Variants in DACH1 observed in about 807,000 individuals in gnomAD.
DACH1 encodes dachshund homolog 1.
A neutral mutation model predicts 54.2 loss-of-function variants in DACH1; 12 were observed. The observed-to-expected ratio is 0.22, with a 90% CI of 0.14 to 0.36. DACH1 has a LOEUF of 0.36. DACH1 is among the 10% of genes least tolerant of loss of function. The probability of loss-of-function intolerance (pLI) is 1.00; values close to 1 mark genes in which losing one functional copy is unlikely to be tolerated. For synonymous variants in DACH1, 386 were observed against 366.2 expected, an observed-to-expected ratio of 1.05 and a Z score of -0.62; for missense variants, 805 against 929.8, an observed-to-expected ratio of 0.87 and a Z score of 1.75.
intron 1 of DACH1, among the ~76,000 whole-genome samples, chr13:71,754,555 A>G (rs1180896364): frequency 3.3e-5 from 5 of 152,142 alleles, no homozygotes; most frequent in African/African-American, 9.7e-5. Context: ...TGGAGGTTAA[A>G]TGGCTTAGCC....
chr13:71,733,847 A>C (rs1236839274), intron 1 of DACH1, among the ~76,000 whole-genome samples: 1 of 152,058 alleles, frequency 6.6e-6, no homozygotes, highest in Non-Finnish European at 1.5e-5. Flanking sequence ...GCCAAACCAA[A>C]GCACAGTCAG....
Position 71,601,765 on chromosome 13 carries a change from C to A in DACH1, c.1127-28753G>T, listed in dbSNP as rs149616444. 1.2e-3 allele frequency among the ~76,000 whole-genome samples: 184 copies of A among 152,020 alleles called. 2 individuals carry two copies. In the East Asian group the frequency reaches 0.028, roughly 23 times the overall value. On this transcript the variant is annotated intron_variant, in intron 3 of 10. Transcript: ENST00000613252. ...GTAAAAGATGAGAATAATTACATTTCACATTTTTGAAACTAATGTAACCAC... is the reference window on the plus strand; with the variant it reads ...GTAAAAGATGAGAATAATTACATTTAACATTTTTGAAACTAATGTAACCAC...
At chr13:71,488,361 C>G (rs1424794212) in intron 7 of DACH1, among the ~76,000 whole-genome samples, 1 of 152,114 alleles carries the variant, frequency 6.6e-6, no homozygotes, top group African/African-American at 2.4e-5. Flanking sequence ...CTCTTATTAT[C>G]TTGGCTCCAC....
intron 6 of DACH1, among the ~76,000 whole-genome samples, chr13:71,508,601 G>T (rs1278041182): frequency 6.6e-6 from 1 of 151,854 alleles, no homozygotes; most frequent in African/African-American, 2.4e-5. Context: ...TAAGGAGCTG[G>T]GACTACAGGC....
intron 6 of DACH1, among the ~76,000 whole-genome samples, chr13:71,502,289 T>A (rs1879980788): frequency 6.6e-6 from 1 of 152,162 alleles, no homozygotes; most frequent in Non-Finnish European, 1.5e-5. Flanking sequence ...CTGTGATTAA[T>A]TGCTAAGATA....
At chr13:71,512,879 G>C (rs893363820) in intron 6 of DACH1, among the ~76,000 whole-genome samples, 1 of 151,588 alleles carries the variant, frequency 6.6e-6, no homozygotes, top group Non-Finnish European at 1.5e-5. Flanking sequence ...AAATCTAGAA[G>C]AATAATCTTT....
chr13:71,526,342 T>C (rs1881953560), intron 6 of DACH1, among the ~76,000 whole-genome samples: 2 of 152,104 alleles, frequency 1.3e-5, no homozygotes, highest in African/African-American at 4.8e-5. Flanking sequence ...ACATGTAAGG[T>C]CTTTTCTGTC....
intron 2 of DACH1, among the ~76,000 whole-genome samples, chr13:71,651,354 T>A: frequency 1.4e-5 from 2 of 139,512 alleles, no homozygotes; most frequent in South Asian, 2.2e-4. Context: ...GGCAACAGAG[T>A]GAGACCCTGT....
intron 1 of DACH1, among the ~76,000 whole-genome samples, chr13:71,765,503 G>A (rs1885582756): frequency 6.6e-6 from 1 of 152,098 alleles, no homozygotes; most frequent in African/African-American, 2.4e-5. Context: ...CTTATACTAT[G>A]CAAATTTTGT....
At chr13:71,790,361 A>C (rs1886783854) in intron 1 of DACH1, among the ~76,000 whole-genome samples, 2 of 152,322 alleles carry the variant, frequency 1.3e-5, no homozygotes, top group South Asian at 4.1e-4. Context: ...CCCAGGAACC[A>C]ATTCTAAAAT....
chr13:71,823,363 T>G (rs1298519750), intron 1 of DACH1, among the ~76,000 whole-genome samples: 1 of 152,040 alleles, frequency 6.6e-6, no homozygotes, highest in Non-Finnish European at 1.5e-5. Flanking sequence ...TCTAGATGCA[T>G]GCACATAATG....
chr13:71,849,646 C>G (rs9564852), intron 1 of DACH1, among the ~76,000 whole-genome samples: 14,334 of 152,144 alleles, frequency 0.094, 1,394 homozygotes, highest in East Asian at 0.56. Flanking sequence ...ATTTCCCCCC[C>G]ATCTATGGAT....
chr13:71,575,687 T>A (rs570587899), intron 3 of DACH1, among the ~76,000 whole-genome samples: 1 of 152,148 alleles, frequency 6.6e-6, no homozygotes, highest in Admixed American at 6.5e-5. Flanking sequence ...TGTGCACAGG[T>A]AAATATCAAG....
At position 71,753,414 on chromosome 13, in the gene DACH1, G is replaced by A. The variant is rs961682688; in HGVS notation, c.849-71504C>T. Among the ~76,000 whole-genome samples the A allele has an allele frequency of 5.3e-5, 8 of 152,082 alleles. No individual in the cohort carries two copies. The East Asian group carries it at 5.8e-4, about 11-fold the overall frequency. On this transcript the variant is annotated intron_variant, in intron 1 of 10. Coordinates refer to ENST00000613252, the MANE Select transcript of DACH1 (RefSeq NM_080759.6). ...AATTCACAGATTCCTTAAAAGGTTCGTGCACCATCACATGCAAAAAAAGGC... is the reference window on the plus strand; with the variant it reads ...AATTCACAGATTCCTTAAAAGGTTCATGCACCATCACATGCAAAAAAAGGC...
intron 1 of DACH1, among the ~76,000 whole-genome samples, chr13:71,725,172 A>C (rs1316902166): frequency 6.6e-6 from 1 of 152,156 alleles, no homozygotes; most frequent in Non-Finnish European, 1.5e-5. Context: ...AACAAGTCTC[A>C]TCAAAGCAAT....
chr13:71,801,477 G>C (rs930255298), intron 1 of DACH1, among the ~76,000 whole-genome samples: 3 of 152,068 alleles, frequency 2.0e-5, no homozygotes, highest in African/African-American at 7.2e-5. Context: ...TCTATCTGAA[G>C]ACTGTCAATC....
At chr13:71,476,753 T>C (rs563901051) in intron 8 of DACH1, among the ~76,000 whole-genome samples, 14 of 152,234 alleles carry the variant, frequency 9.2e-5, no homozygotes, top group Admixed American at 2.0e-4. Context: ...ATATCAACTA[T>C]GTTTTCTGGA....
intron 1 of DACH1, among the ~76,000 whole-genome samples, chr13:71,839,202 T>C (rs1394330639): frequency 1.3e-5 from 2 of 152,182 alleles, no homozygotes; most frequent in African/African-American, 4.8e-5. Context: ...TTTTCAAAGT[T>C]ACTTGAATCC....
chr13:71,663,706 T>C (rs1879654066), intron 2 of DACH1, among the ~76,000 whole-genome samples: 1 of 152,072 alleles, frequency 6.6e-6, no homozygotes, highest in Non-Finnish European at 1.5e-5. Flanking sequence ...ACTATTAGCT[T>C]ATCTAACCCT....
Sources: gnomAD v4.1 joint callset for allele counts (sites outside exome capture counted in the v4.1 genomes callset) on GRCh38, gnomAD v4.1.1 for gene constraint, MANE v1.5 for transcripts, NCBI Gene and HGNC (gene_info 2026-07-23, HGNC 2026-07-21) for gene names.